The following PDE3B variants were observed in gnomAD, a reference collection of about 807,000 sequenced individuals.
The protein encoded by PDE3B is cGMP-inhibited 3',5'-cyclic phosphodiesterase 3B.
Under a neutral mutation model 116.8 loss-of-function variants are expected in PDE3B, and 66 were observed. The observed-to-expected ratio is 0.56, with a 90% CI of 0.46 to 0.69. The LOEUF is 0.69. Among genes scored for constraint, PDE3B ranks in the 30% least tolerant of loss-of-function variants. PDE3B has a pLI of 0.00. For missense variants in PDE3B, 1,384 were observed against 1,368.1 expected, an observed-to-expected ratio of 1.01 and a Z score of -0.18; for synonymous variants, 595 against 533.6, an observed-to-expected ratio of 1.12 and a Z score of -1.59.
chr11:14,793,550 G>C (rs1027057441), intron 4 of PDE3B, among the ~76,000 whole-genome samples: 1 of 152,112 alleles, frequency 6.6e-6, no homozygotes, highest in African/African-American at 2.4e-5. Context: ...AGAGTTAAAA[G>C]AAGACTGAAC....
intron 1 of PDE3B, among the ~76,000 whole-genome samples, chr11:14,701,923 CT>C (rs578228196): frequency 1.3e-4 from 20 of 150,966 alleles, no homozygotes; most frequent in African/African-American, 4.8e-4. Context: ...TGATAAGTGT[CT>C]TTTTTTCAAC....
intron 9 of PDE3B, 101 bp downstream of exon 9, chr11:14,831,878 A>C (rs559845671): frequency 1.4e-6 from 1 of 697,604 alleles, no homozygotes; most frequent in East Asian, 3.0e-5. Context: ...CTAGTTCAAC[A>C]ATGACATTGT....
At position 14,731,501 on chromosome 11, in the gene PDE3B, G is replaced by C. The variant is rs570133742; in HGVS notation, c.979-40436G>C. On this transcript the variant is annotated intron_variant, in intron 1 of 15. Transcript: ENST00000282096. ...TCTCGATCTCCTGACCTCGTGATCTGCCCACTTCAGCCTCCCAAAGTGCTG... is the reference window on the plus strand; with the variant it reads ...TCTCGATCTCCTGACCTCGTGATCTCCCCACTTCAGCCTCCCAAAGTGCTG... Among the ~76,000 whole-genome samples, 35 of 151,962 alleles carry C rather than the reference G, an allele frequency of 2.3e-4. No homozygotes were observed. In the South Asian group the frequency reaches 7.3e-3, roughly 32 times the overall value.
intron 1 of PDE3B, among the ~76,000 whole-genome samples, chr11:14,694,365 A>G (rs1172680499): frequency 6.6e-6 from 1 of 152,166 alleles, no homozygotes; most frequent in Non-Finnish European, 1.5e-5. Context: ...CCCGAAAGGA[A>G]GAGTCAATTG....
intron 1 of PDE3B, among the ~76,000 whole-genome samples, chr11:14,647,302 G>T (rs190900881): frequency 6.6e-6 from 1 of 151,994 alleles, no homozygotes; most frequent in Non-Finnish European, 1.5e-5. Context: ...ATAGACAGAG[G>T]ATTGAGGAGT....
At chr11:14,822,940 C>A (rs1859567996) in intron 7 of PDE3B, among the ~76,000 whole-genome samples, 1 of 152,184 alleles carries the variant, frequency 6.6e-6, no homozygotes, top group Admixed American at 6.5e-5. Context: ...GTTTTGCAGC[C>A]TTAGCCATTG....
intron 4 of PDE3B, among the ~76,000 whole-genome samples, chr11:14,800,351 A>G (rs1401202441): frequency 2.6e-5 from 4 of 152,064 alleles, no homozygotes; most frequent in East Asian, 1.9e-4. Flanking sequence ...TGTAATCGCA[A>G]CTACTCAGGA....
chr11:14,892,255 C>T, the PDE3B span: 6 of 1,541,966 alleles, frequency 3.9e-6, no homozygotes, highest in Admixed American at 1.1e-4. Flanking sequence ...GACCCAGGCA[C>T]TCCCTCCAGC....
chr11:14,770,806 GATGGTGATAATGA>G (rs1857618065), intron 1 of PDE3B, among the ~76,000 whole-genome samples: 1 of 151,582 alleles, frequency 6.6e-6, no homozygotes, highest in Non-Finnish European at 1.5e-5. Flanking sequence ...TTGATGAGGA[GATGGTGATAATGA>G]TAATTGACAG....
At chr11:14,806,283 A>C (rs1858920263) in intron 5 of PDE3B, among the ~76,000 whole-genome samples, 2 of 143,372 alleles carry the variant, frequency 1.4e-5, no homozygotes. Context: ...TACTAAAAAT[A>C]CAAAAAAAAA....
At chr11:14,806,655 C>A (rs1002758552) in intron 5 of PDE3B, among the ~76,000 whole-genome samples, 2 of 151,094 alleles carry the variant, frequency 1.3e-5, no homozygotes, top group African/African-American at 4.9e-5. Flanking sequence ...GTCAGGAGAT[C>A]GAGACCATCC....
chr11:14,674,068 T>G (rs1224229200), intron 1 of PDE3B: 5 of 1,531,312 alleles, frequency 3.3e-6, no homozygotes, highest in Non-Finnish European at 4.5e-6. Context: ...CAGTTTTAGC[T>G]CTTCAGGAAG....
At chr11:14,842,181 C>T (rs1377576308) in intron 11 of PDE3B, among the ~76,000 whole-genome samples, 1 of 152,014 alleles carries the variant, frequency 6.6e-6, no homozygotes, top group Non-Finnish European at 1.5e-5. Context: ...ATGTCTTTTA[C>T]TGAGGCGTCC....
chr11:14,811,525 G>T (rs1296138222), intron 5 of PDE3B, among the ~76,000 whole-genome samples: 2 of 152,028 alleles, frequency 1.3e-5, no homozygotes, highest in Non-Finnish European at 2.9e-5. Context: ...CCAGTACCAT[G>T]CTGTTTTGGT....
intron 15 of PDE3B, 107 bp downstream of exon 15, chr11:14,867,865 C>G: frequency 1.2e-6 from 1 of 833,942 alleles, no homozygotes; most frequent in African/African-American, 1.7e-5. Context: ...TTTTGAGTGC[C>G]AGCATGGTGC....
intron 1 of PDE3B, among the ~76,000 whole-genome samples, chr11:14,665,056 A>T (rs981260296): frequency 1.3e-5 from 2 of 152,200 alleles, no homozygotes; most frequent in African/African-American, 4.8e-5. Context: ...GCACATCAAA[A>T]AGCTTATCCA....
intron 1 of PDE3B, 121 bp downstream of exon 1, chr11:14,645,174 TGCGG>T: frequency 3.2e-5 from 1 of 31,496 alleles, no homozygotes; most frequent in South Asian, 6.7e-4. Context: ...AAGGGTGTGT[TGCGG>T]GGGGGGGGGG....
rs1157209457 is a variant in PDE3B, at chr11:14,802,580, A to C, written c.1416-1364A>C. ...AATCTTGCTGAGAGCTGCAGACTGG[A>C]GCTCTTTCTATTCAACCATCTTGCC... On this transcript the variant is annotated intron_variant, in intron 4 of 15. Coordinates refer to ENST00000282096, the MANE Select transcript of PDE3B (RefSeq NM_000922.4). Among the ~76,000 whole-genome samples, 6 of 152,134 alleles carry C rather than the reference A, an allele frequency of 3.9e-5. No homozygotes were observed. In the East Asian group the frequency reaches 1.2e-3, roughly 29 times the overall value.
the PDE3B span, chr11:14,880,688 C>T: frequency 6.3e-7 from 1 of 1,596,552 alleles, no homozygotes; most frequent in Non-Finnish European, 8.5e-7. Flanking sequence ...GACTTTTGGC[C>T]ATATCCAAAA....
Sources: allele counts gnomAD v4.1 joint callset (sites outside exome capture counted in the v4.1 genomes callset), GRCh38; gene constraint gnomAD v4.1.1; transcripts MANE v1.5; gene names NCBI Gene and HGNC (gene_info 2026-07-23, HGNC 2026-07-21).